Variants in ARHGEF7 observed in about 807,000 individuals in gnomAD.
The protein encoded by ARHGEF7 is Rho guanine nucleotide exchange factor 7.
Under a neutral mutation model 109.8 loss-of-function variants are expected in ARHGEF7, and 33 were observed. The ratio of observed to expected loss-of-function variants is 0.30; its 90% confidence interval spans 0.23 to 0.40. The LOEUF is 0.40. ARHGEF7 is among the 10% of genes least tolerant of loss of function. The pLI is 1.00. For synonymous variants in ARHGEF7, 458 were observed against 424.6 expected (o/e 1.08, Z -0.97); for missense variants, 938 against 1,098.5 (o/e 0.85, Z 2.07).
chr13:111,245,131 G>T (rs1319468031), intron 8 of ARHGEF7, among the ~76,000 whole-genome samples: 1 of 152,150 alleles, frequency 6.6e-6, no homozygotes, highest in Non-Finnish European at 1.5e-5. Context: ...ACCAATGCCG[G>T]CTGCAGGCAT....
At chr13:111,222,521 C>T (rs766112334) in intron 5 of ARHGEF7, among the ~76,000 whole-genome samples, 19 of 152,178 alleles carry the variant, frequency 1.2e-4, no homozygotes, top group Non-Finnish European at 2.8e-4. Context: ...CCTTTGCTTC[C>T]TGGGTTCAAG....
In ARHGEF7 at chr13:111,239,022, G is replaced by C. The variant is rs1283063866; in HGVS notation, c.760-4850G>C. On this transcript the variant is annotated intron_variant, in intron 6 of 21. Coordinates refer to ENST00000646102, the MANE Select transcript of ARHGEF7 (RefSeq NM_001354046.2). This position sits in a 1 kb window ranked among gnomAD's most constrained non-coding sequence, Gnocchi z 4.3. The stretch of plus-strand genomic sequence containing the variant: ...CACCTCTTCACGAAGCAGTGGGAGA[G>C]AGAATGAGTGCCAACAGGGGAAATG... Among the ~76,000 whole-genome samples, 2 of 152,218 alleles carry C rather than the reference G, an allele frequency of 1.3e-5. No individual in the cohort carries two copies. The highest frequency in any genetic ancestry group is 2.9e-5 in the Non-Finnish European group (2 of 68,042).
intron 2 of ARHGEF7, among the ~76,000 whole-genome samples, chr13:111,199,013 GAC>G (rs1391867268): frequency 6.6e-6 from 1 of 152,222 alleles, no homozygotes; most frequent in Non-Finnish European, 1.5e-5. Flanking sequence ...CCTTTAGCTA[GAC>G]ACATAGTGCT....
intron 8 of ARHGEF7, among the ~76,000 whole-genome samples, chr13:111,265,977 G>C (rs2091597532): frequency 6.6e-6 from 1 of 152,210 alleles, no homozygotes; most frequent in South Asian, 2.1e-4. Flanking sequence ...GGACAGCAGA[G>C]CAGAAGCAGT....
At chr13:111,205,128 C>G (rs995083400) in intron 2 of ARHGEF7, among the ~76,000 whole-genome samples, 161 bp from the exon 3 acceptor site, 2 of 152,240 alleles carry the variant, frequency 1.3e-5, no homozygotes, top group Non-Finnish European at 2.9e-5. Context: ...TGGGTTCTTA[C>G]CTCAGGACTG....
chr13:111,302,938 G>A, intron 21 of ARHGEF7, 53 bp from the exon 22 acceptor site: 3 of 1,605,046 alleles, frequency 1.9e-6, no homozygotes, highest in Non-Finnish European at 2.6e-6. Flanking sequence ...GGGAAAGGAA[G>A]CCCTACGCGA....
intron 5 of ARHGEF7, among the ~76,000 whole-genome samples, chr13:111,226,344 C>T (rs1445842535): frequency 6.6e-6 from 1 of 152,250 alleles, no homozygotes; most frequent in African/African-American, 2.4e-5. Flanking sequence ...TCCAGAAGAT[C>T]TAGCTGACAT....
intron 6 of ARHGEF7, among the ~76,000 whole-genome samples, chr13:111,234,272 T>C (rs1445054351): frequency 6.6e-6 from 1 of 152,032 alleles, no homozygotes; most frequent in Non-Finnish European, 1.5e-5. Flanking sequence ...TGCAATGGAG[T>C]CTGAGCAGCT....
intron 1 of ARHGEF7, among the ~76,000 whole-genome samples, chr13:111,147,904 A>G (rs1481496380): frequency 6.6e-6 from 1 of 151,766 alleles, no homozygotes; most frequent in African/African-American, 2.4e-5. Context: ...TCACCGTTTT[A>G]GCCGGGATGG....
intron 5 of ARHGEF7, among the ~76,000 whole-genome samples, chr13:111,219,689 G>A (rs1445858696): frequency 6.6e-6 from 1 of 152,048 alleles, no homozygotes; most frequent in East Asian, 1.9e-4. Flanking sequence ...TGGATGTGAA[G>A]TTGCTACTGT....
chr13:111,117,313 G>A (rs1594762433), intron 1 of ARHGEF7, among the ~76,000 whole-genome samples: 1 of 152,254 alleles, frequency 6.6e-6, no homozygotes, highest in South Asian at 2.1e-4. Context: ...AAACCGTAGC[G>A]TTCATTTCAT....
chr13:111,161,558 T>C (rs2076745250), intron 2 of ARHGEF7, among the ~76,000 whole-genome samples: 1 of 152,234 alleles, frequency 6.6e-6, no homozygotes, highest in African/African-American at 2.4e-5. Flanking sequence ...TAGCTGTTAT[T>C]ATCATTTGCA....
intron 2 of ARHGEF7, among the ~76,000 whole-genome samples, chr13:111,171,917 A>C (rs9583586): frequency 0.076 from 11,605 of 152,250 alleles, 734 homozygotes; most frequent in African/African-American, 0.17. Flanking sequence ...CAGTGAGTTC[A>C]TCTGTGAAGA....
chr13:111,155,970 A>C (rs531688130), intron 2 of ARHGEF7, among the ~76,000 whole-genome samples: 2 of 151,754 alleles, frequency 1.3e-5, no homozygotes, highest in African/African-American at 4.8e-5. Flanking sequence ...CTGTAGTTCC[A>C]GTTACTCAGG....
intron 1 of ARHGEF7, among the ~76,000 whole-genome samples, chr13:111,132,010 G>A (rs978220482): frequency 1.3e-5 from 2 of 152,208 alleles, no homozygotes; most frequent in Non-Finnish European, 2.9e-5. Flanking sequence ...AGGGGTGCAT[G>A]CACCTGTAGC....
At chr13:111,291,446 T>TCCC (rs1407636505) in intron 18 of ARHGEF7, among the ~76,000 whole-genome samples, 6 of 152,256 alleles carry the variant, frequency 3.9e-5, no homozygotes, top group African/African-American at 1.4e-4. Context: ...GCCTGCGGGC[T>TCCC]AAGCTCCAGC....
At chr13:111,299,533 G>A (rs958573788) in intron 19 of ARHGEF7, among the ~76,000 whole-genome samples, 1 of 151,738 alleles carries the variant, frequency 6.6e-6, no homozygotes, top group African/African-American at 2.4e-5. Flanking sequence ...TAGTAGAGAC[G>A]GGGTTTCACC....
intron 2 of ARHGEF7, among the ~76,000 whole-genome samples, chr13:111,167,087 G>T (rs1160273817): frequency 6.6e-6 from 1 of 152,124 alleles, no homozygotes; most frequent in African/African-American, 2.4e-5. Flanking sequence ...CTGAGTAAAC[G>T]GTTGGTTTGT....
intron 2 of ARHGEF7, chr13:111,187,096 T>C (rs923222350): frequency 2.8e-4 from 223 of 804,174 alleles, no homozygotes; most frequent in Non-Finnish European, 3.3e-4. Context: ...AGTGTGTCCT[T>C]TTGCGTGCAT....
Sources: allele counts gnomAD v4.1 joint callset (sites outside exome capture counted in the v4.1 genomes callset), GRCh38; gene constraint gnomAD v4.1.1; non-coding constraint Gnocchi (gnomAD v3.1); transcripts MANE v1.5; gene names NCBI Gene and HGNC (gene_info 2026-07-23, HGNC 2026-07-21).